Variants in SPAG16 observed in about 807,000 individuals in gnomAD.
The protein encoded by SPAG16 is sperm associated antigen 16, also known as sperm-associated antigen 16 protein.
Under a neutral mutation model 80.4 loss-of-function variants are expected in SPAG16, and 86 were observed. That is an observed-to-expected ratio of 1.07 (90% CI 0.90 to 1.28). The LOEUF (loss-of-function observed/expected upper bound fraction) is 1.28, where lower values mean the gene tolerates loss of function less well. Ranked by LOEUF, SPAG16 falls within the 50% of genes most tolerant of loss-of-function variation. The pLI, the probability that SPAG16 is intolerant of heterozygous loss-of-function variation, is 0.00. For synonymous variants in SPAG16, 294 were observed against 265.9 expected, an observed-to-expected ratio of 1.11 and a Z score of -1.03; for missense variants, 870 against 765.3, an observed-to-expected ratio of 1.14 and a Z score of -1.61.
At chr2:214,358,624 G>C (rs1456977570) in intron 15 of SPAG16, among the ~76,000 whole-genome samples, 2 of 151,856 alleles carry the variant, frequency 1.3e-5, no homozygotes, top group African/African-American at 4.8e-5. Context: ...ACCCCTGTAG[G>C]CAGAAGAGTC....
chr2:214,322,534 A>C (rs1363232528), intron 15 of SPAG16, among the ~76,000 whole-genome samples: 2 of 152,010 alleles, frequency 1.3e-5, no homozygotes, highest in African/African-American at 4.8e-5. Flanking sequence ...CATCAGAAAA[A>C]TTGAAAGCAA....
chr2:213,830,130 C>A (rs2073546409), intron 10 of SPAG16, among the ~76,000 whole-genome samples: 1 of 152,134 alleles, frequency 6.6e-6, no homozygotes, highest in Non-Finnish European at 1.5e-5. Flanking sequence ...TTATTTGGAA[C>A]CCCAGAGCCG....
chr2:213,286,163 T>C (rs1388332090), intron 1 of SPAG16, among the ~76,000 whole-genome samples: 5 of 152,240 alleles, frequency 3.3e-5, no homozygotes, highest in Non-Finnish European at 1.5e-5. Flanking sequence ...CAAAGACTTT[T>C]TCAAATAATC....
chr2:213,506,574 C>T (rs1021469316), intron 10 of SPAG16, among the ~76,000 whole-genome samples: 1 of 152,102 alleles, frequency 6.6e-6, no homozygotes, highest in Non-Finnish European at 1.5e-5. Flanking sequence ...TATCTCGAAC[C>T]CTCATCTCAG....
intron 9 of SPAG16, among the ~76,000 whole-genome samples, chr2:213,420,575 A>G (rs2069524629): frequency 6.6e-6 from 1 of 152,252 alleles, no homozygotes; most frequent in African/African-American, 2.4e-5. Context: ...ATGTATGGAA[A>G]CATGCAAGTT....
chr2:213,387,240 C>T (rs148605156), intron 9 of SPAG16, among the ~76,000 whole-genome samples: 1 of 151,590 alleles, frequency 6.6e-6, no homozygotes, highest in African/African-American at 2.4e-5. Context: ...TATTAAAAAT[C>T]TACCTTTCAC....
chr2:213,873,590 G>C (rs59704390), intron 11 of SPAG16, among the ~76,000 whole-genome samples: 2,312 of 151,276 alleles, frequency 0.015, 62 homozygotes, highest in African/African-American at 0.053. Context: ...GTTATGATTT[G>C]AGATATTTGT....
intron 10 of SPAG16, among the ~76,000 whole-genome samples, chr2:213,497,297 T>C (rs1423615996): frequency 6.6e-6 from 1 of 152,130 alleles, no homozygotes; most frequent in African/African-American, 2.4e-5. Flanking sequence ...AATAAATACA[T>C]TATCTAATTA....
chr2:214,103,997 G>T (rs2053234110), intron 13 of SPAG16, among the ~76,000 whole-genome samples: 2 of 152,020 alleles, frequency 1.3e-5, no homozygotes, highest in African/African-American at 4.8e-5. Flanking sequence ...GAACATTAAA[G>T]AAACCTTTGC....
At chr2:213,742,325 A>G (rs529567372) in intron 10 of SPAG16, among the ~76,000 whole-genome samples, 6 of 152,258 alleles carry the variant, frequency 3.9e-5, no homozygotes, top group African/African-American at 1.4e-4. Flanking sequence ...ATACAAGGAC[A>G]TTAGTATAGT....
At chr2:213,617,539 A>G (rs1193006681) in intron 10 of SPAG16, among the ~76,000 whole-genome samples, 1 of 152,144 alleles carries the variant, frequency 6.6e-6, no homozygotes, top group African/African-American at 2.4e-5. Flanking sequence ...GCCAGGTTTC[A>G]CCATGTTGGT....
chr2:213,631,932 G>A (rs925257765), intron 10 of SPAG16, among the ~76,000 whole-genome samples: 1 of 152,008 alleles, frequency 6.6e-6, no homozygotes, highest in Non-Finnish European at 1.5e-5. Flanking sequence ...CTCCAGTTTT[G>A]TTCTTTTTGT....
intron 10 of SPAG16, among the ~76,000 whole-genome samples, chr2:213,555,528 T>G (rs1335891007): frequency 6.6e-6 from 1 of 152,238 alleles, no homozygotes; most frequent in Non-Finnish European, 1.5e-5. Flanking sequence ...TATGAAGAAC[T>G]GTGAGTCAAT....
intron 10 of SPAG16, among the ~76,000 whole-genome samples, chr2:213,845,992 C>G (rs1309851304): frequency 6.6e-6 from 1 of 152,176 alleles, no homozygotes; most frequent in Non-Finnish European, 1.5e-5. Context: ...AAATACTTTT[C>G]AAGTCTCTTG....
intron 13 of SPAG16, among the ~76,000 whole-genome samples, chr2:214,043,426 C>T (rs1164686454): frequency 1.3e-5 from 2 of 152,114 alleles, no homozygotes; most frequent in East Asian, 1.9e-4. Flanking sequence ...CAACATTTTT[C>T]CCCAGGAGCA....
chr2:214,326,022 C>G (rs562203786), intron 15 of SPAG16, among the ~76,000 whole-genome samples: 1 of 152,206 alleles, frequency 6.6e-6, no homozygotes, highest in South Asian at 2.1e-4. Flanking sequence ...ATAGCCCCTT[C>G]CATCCTATAA....
At chr2:213,700,409 G>A (rs969922451) in intron 10 of SPAG16, among the ~76,000 whole-genome samples, 6 of 151,940 alleles carry the variant, frequency 3.9e-5, no homozygotes, top group Non-Finnish European at 1.5e-5. Context: ...ATAAGAGGTG[G>A]AAATATAACA....
intron 15 of SPAG16, among the ~76,000 whole-genome samples, chr2:214,210,342 T>G (rs1004302755): frequency 6.6e-6 from 1 of 152,092 alleles, no homozygotes; most frequent in Non-Finnish European, 1.5e-5. Flanking sequence ...TGAAAAAAAC[T>G]TGCAGATGAA....
intron 15 of SPAG16, among the ~76,000 whole-genome samples, chr2:214,381,682 A>G (rs1181597983): frequency 6.6e-6 from 1 of 152,230 alleles, no homozygotes; most frequent in African/African-American, 2.4e-5. Flanking sequence ...TATCTGTGCC[A>G]TGTCCAGGGA....
Sources: gnomAD v4.1 joint callset for allele counts (sites outside exome capture counted in the v4.1 genomes callset) on GRCh38, gnomAD v4.1.1 for gene constraint, MANE v1.5 for transcripts, NCBI Gene and HGNC (gene_info 2026-07-23, HGNC 2026-07-21) for gene names.